GPC5: variants seen among roughly 807,000 people sequenced by gnomAD.
GPC5 encodes glypican 5.
In GPC5, 47 loss-of-function variants were observed where a neutral mutation model predicts 53.9. That is an observed-to-expected ratio of 0.87 (90% CI 0.69 to 1.11). GPC5 has a LOEUF of 1.11. Ranked by LOEUF, GPC5 falls within the 50% of genes most tolerant of loss-of-function variation. The pLI, the probability that GPC5 is intolerant of heterozygous loss-of-function variation, is 0.00. For missense variants in GPC5, 748 were observed against 713.1 expected (o/e 1.05, Z -0.56); for synonymous variants, 286 against 263.3 (o/e 1.09, Z -0.84).
intron 7 of GPC5, among the ~76,000 whole-genome samples, chr13:92,854,973 A>T (rs1006354756): frequency 2.0e-5 from 3 of 151,996 alleles, no homozygotes; most frequent in Non-Finnish European, 4.4e-5. Context: ...CCAATGCCCA[A>T]ATAAGTTTCC....
At chr13:92,267,500 G>A (rs2042810753) in intron 7 of GPC5, among the ~76,000 whole-genome samples, 1 of 151,844 alleles carries the variant, frequency 6.6e-6, no homozygotes, top group South Asian at 2.1e-4. Flanking sequence ...CTGTTTCATT[G>A]GCTGATCTTT....
chr13:92,020,818 AAAG>A (rs2040751649), intron 6 of GPC5, among the ~76,000 whole-genome samples: 2 of 151,814 alleles, frequency 1.3e-5, no homozygotes, highest in African/African-American at 2.4e-5. Context: ...CCTCTACTGT[AAAG>A]AAGATTTTTA....
At chr13:92,777,309 C>T (rs933427493) in intron 7 of GPC5, among the ~76,000 whole-genome samples, 33 of 133,026 alleles carry the variant, frequency 2.5e-4, no homozygotes, top group African/African-American at 8.8e-4. Context: ...GCACTCAAGC[C>T]TGGGCAATAG....
intron 7 of GPC5, among the ~76,000 whole-genome samples, chr13:92,173,644 A>G (rs1458909442): frequency 6.6e-6 from 1 of 152,248 alleles, no homozygotes; most frequent in Admixed American, 6.5e-5. Flanking sequence ...TTTCATTAAA[A>G]TGCAATGAGC....
chr13:92,284,191 A>G (rs554364925), intron 7 of GPC5, among the ~76,000 whole-genome samples: 51 of 152,342 alleles, frequency 3.3e-4, no homozygotes, highest in African/African-American at 1.2e-3. Context: ...TAAACCAGGA[A>G]GAAGTTGAAT....
intron 7 of GPC5, among the ~76,000 whole-genome samples, chr13:92,220,661 T>G (rs915705848): frequency 4.6e-5 from 7 of 152,232 alleles, no homozygotes; most frequent in East Asian, 3.8e-4. Flanking sequence ...ATTCACTTAT[T>G]GTCTAGCATT....
chr13:92,573,799 G>A (rs548280723), intron 7 of GPC5, among the ~76,000 whole-genome samples: 64 of 152,220 alleles, frequency 4.2e-4, no homozygotes, highest in Non-Finnish European at 5.0e-4. Flanking sequence ...CCCTCCCAAT[G>A]TGGACACTGC....
chr13:91,686,217 C>A (rs931857151), intron 2 of GPC5, among the ~76,000 whole-genome samples: 4 of 151,870 alleles, frequency 2.6e-5, no homozygotes, highest in African/African-American at 7.2e-5. Context: ...AGTTGATTTT[C>A]AAACATAATT....
intron 2 of GPC5, among the ~76,000 whole-genome samples, chr13:91,647,578 G>T (rs558467911): frequency 1.3e-4 from 20 of 152,178 alleles, no homozygotes; most frequent in Non-Finnish European, 1.0e-4. Flanking sequence ...ATGTGGCAGG[G>T]ATGCTAAGTC....
intron 7 of GPC5, among the ~76,000 whole-genome samples, chr13:92,647,645 G>A (rs1313909128): frequency 1.3e-5 from 2 of 152,012 alleles, no homozygotes; most frequent in African/African-American, 2.4e-5. Context: ...GAGTTCCAGA[G>A]TTCAGACATT....
At chr13:91,527,470 G>T (rs1458790403) in intron 2 of GPC5, among the ~76,000 whole-genome samples, 1 of 152,238 alleles carries the variant, frequency 6.6e-6, no homozygotes. Context: ...TGCCCTTGTG[G>T]CTCTGGTGGG....
intron 6 of GPC5, among the ~76,000 whole-genome samples, chr13:92,135,594 G>A (rs1594777029): frequency 1.3e-5 from 2 of 152,128 alleles, no homozygotes; most frequent in South Asian, 4.1e-4. Flanking sequence ...ATGGGAAAAA[G>A]AACAAATAAC....
At chr13:92,252,131 C>T (rs117548613) in intron 7 of GPC5, among the ~76,000 whole-genome samples, 2,462 of 152,174 alleles carry the variant, frequency 0.016, 40 homozygotes, top group Non-Finnish European at 0.029. Context: ...GCACTCAAGA[C>T]TGAGAAAGCA....
chr13:92,571,449 C>G (rs1054295940), intron 7 of GPC5, among the ~76,000 whole-genome samples: 1 of 152,080 alleles, frequency 6.6e-6, no homozygotes, highest in East Asian at 1.9e-4. Flanking sequence ...CTTCATGATC[C>G]TTTCAATTGT....
At chr13:92,603,555 C>G (rs1222271218) in intron 7 of GPC5, among the ~76,000 whole-genome samples, 1 of 152,138 alleles carries the variant, frequency 6.6e-6, no homozygotes, top group Non-Finnish European at 1.5e-5. Flanking sequence ...ATTGCACCTA[C>G]GAGGCACAAC....
At chr13:91,993,583 C>A (rs564278740) in intron 6 of GPC5, among the ~76,000 whole-genome samples, 1 of 152,270 alleles carries the variant, frequency 6.6e-6, no homozygotes, top group South Asian at 2.1e-4. Flanking sequence ...CTGGTAAGTT[C>A]CAGGTTGAAT....
chr13:91,487,549 C>T (rs1421657479), intron 2 of GPC5, among the ~76,000 whole-genome samples: 1 of 152,184 alleles, frequency 6.6e-6, no homozygotes, highest in Admixed American at 6.5e-5. Context: ...CTTCCAAGAT[C>T]TGATCACCTT....
chr13:92,530,969 T>A (rs1881544717), intron 7 of GPC5, among the ~76,000 whole-genome samples: 1 of 152,206 alleles, frequency 6.6e-6, no homozygotes, highest in Admixed American at 6.5e-5. Context: ...AATCCTTCAG[T>A]AGTTACGTTC....
intron 2 of GPC5, among the ~76,000 whole-genome samples, chr13:91,580,392 ATAT>A (rs1049005784): frequency 2.0e-5 from 3 of 152,192 alleles, no homozygotes; most frequent in Non-Finnish European, 2.9e-5. Context: ...AATAGATTAA[ATAT>A]TATTACCCTT....
Sources: allele counts gnomAD v4.1 joint callset (sites outside exome capture counted in the v4.1 genomes callset), GRCh38; gene constraint gnomAD v4.1.1; transcripts MANE v1.5; gene names NCBI Gene and HGNC (gene_info 2026-07-23, HGNC 2026-07-21).